LARGE1: variants seen among roughly 807,000 people sequenced by gnomAD.
LARGE1 encodes xylosyl- and glucuronyltransferase LARGE1.
In LARGE1, 43 loss-of-function variants were observed where a neutral mutation model predicts 87.6. The ratio of observed to expected loss-of-function variants is 0.49; its 90% CI spans 0.38 to 0.63. The LOEUF (loss-of-function observed/expected upper bound fraction) is 0.63, where lower values mean the gene tolerates loss of function less well. Among genes scored for constraint, LARGE1 ranks in the 30% least tolerant of loss-of-function variants. The pLI is 0.00. For missense variants in LARGE1, 802 were observed against 1,000.2 expected (o/e 0.80, Z 2.67); for synonymous variants, 434 against 394.6 (o/e 1.10, Z -1.18).
intron 6 of LARGE1, among the ~76,000 whole-genome samples, chr22:33,487,001 A>T (rs1442493547): frequency 6.6e-6 from 1 of 152,188 alleles, no homozygotes; most frequent in Non-Finnish European, 1.5e-5. Flanking sequence ...CAAATTGCGG[A>T]CACAAATATT....
At chr22:33,775,678 C>T (rs1032839679) in intron 1 of LARGE1, among the ~76,000 whole-genome samples, 3 of 152,068 alleles carry the variant, frequency 2.0e-5, no homozygotes, top group Admixed American at 6.5e-5. Context: ...ATGGTGAAAC[C>T]CCATCTCTAC....
chr22:33,305,365 A>C (rs1340051420), intron 11 of LARGE1, among the ~76,000 whole-genome samples: 2 of 151,766 alleles, frequency 1.3e-5, no homozygotes, highest in East Asian at 3.9e-4. Flanking sequence ...AATTAAAAAA[A>C]AAAAAAAAAA....
chr22:33,445,870 G>A (rs966115541), intron 6 of LARGE1, among the ~76,000 whole-genome samples: 2 of 151,778 alleles, frequency 1.3e-5, no homozygotes, highest in African/African-American at 2.4e-5. Context: ...GGCTGGTCTC[G>A]AACTCCTGGC....
At chr22:33,574,766 GA>G (rs2078304655) in intron 5 of LARGE1, among the ~76,000 whole-genome samples, 2 of 149,884 alleles carry the variant, frequency 1.3e-5, no homozygotes, top group Admixed American at 1.3e-4. Context: ...TACACTTAAT[GA>G]AAAAGCTTAG....
intron 12 of LARGE1, among the ~76,000 whole-genome samples, chr22:33,302,421 G>A (rs1391437644): frequency 1.3e-5 from 2 of 152,100 alleles, no homozygotes; most frequent in Non-Finnish European, 1.5e-5. Context: ...GACTCCTCCC[G>A]CCCCAGGGGA....
chr22:33,609,378 C>G (rs188032750), intron 4 of LARGE1, among the ~76,000 whole-genome samples: 8 of 152,316 alleles, frequency 5.3e-5, no homozygotes, highest in African/African-American at 1.9e-4. Context: ...TGAAAACAAC[C>G]TGCACAACCA....
At chr22:33,408,295 T>G (rs2066176748) in intron 7 of LARGE1, among the ~76,000 whole-genome samples, 1 of 152,162 alleles carries the variant, frequency 6.6e-6, no homozygotes, top group African/African-American at 2.4e-5. Context: ...AAGATAAACA[T>G]TTTTAAAGGA....
intron 1 of LARGE1, among the ~76,000 whole-genome samples, chr22:33,901,904 GACT>G (rs972335061): frequency 1.3e-5 from 2 of 152,164 alleles, no homozygotes; most frequent in African/African-American, 4.8e-5. Flanking sequence ...AATGTGAAAA[GACT>G]ACAATTTGAA....
chr22:33,240,524 C>T (rs941152923), intron 11 of LARGE1, among the ~76,000 whole-genome samples: 6 of 152,112 alleles, frequency 3.9e-5, no homozygotes, highest in Non-Finnish European at 7.3e-5. Context: ...TACCACATTC[C>T]GTTTATCTAT....
At position 33,604,500 on chromosome 22, in the gene LARGE1, T is replaced by C. The variant is rs960997554; in HGVS notation, c.550A>G (p.Thr184Ala). ...GGCACCATCCAGGTCTGGAAGAGCG[T>C]GGCCAGGATCTGCTCCGCAATGGAG... ...ADSIAEQILA[T>A]LFQTWMVPAV... Residue 184 changes from threonine to alanine, a missense_variant, in exon 5 of 15, where the codon ACG becomes GCG. Thr to Ala is a moderately conservative substitution (Grantham distance 58). Coordinates refer to ENST00000397394, the MANE Select transcript of LARGE1 (RefSeq NM_133642.5). 25 of 1,613,900 alleles carry C rather than the reference T, an allele frequency of 1.5e-5. No individual in the cohort carries two copies. Among genetic ancestry groups the C allele is most frequent in the Non-Finnish European group, 1.8e-5 (21 of 1,180,000 alleles).
chr22:33,902,820 T>C (rs987908528), intron 1 of LARGE1, among the ~76,000 whole-genome samples: 10 of 152,146 alleles, frequency 6.6e-5, no homozygotes, highest in African/African-American at 2.2e-4. Flanking sequence ...TGACCGTATT[T>C]AGTGACGGGG....
In LARGE1 at chr22:33,466,370, CCTCTCT is replaced by C. The variant is rs145185909; in HGVS notation, c.788-34111_788-34106del. Among the ~76,000 whole-genome samples the C allele has an allele frequency of 1.3e-3, 189 of 144,582 alleles. 2 individuals carry two copies. In the East Asian group the frequency reaches 0.032, roughly 25 times the overall value. 94.9% of individuals were successfully genotyped at this position (144,582 alleles called of 152,430 possible). A position where few individuals can be genotyped will look rare whatever the true frequency, so the allele number is the denominator to read the frequency against. Reference sequence around the variant, plus strand: ...TTTTTTTTTCTTGCTTTTTCTCTTGCCTCTCTCTCTCTCTCTCTCTCTGTCATACTT... The same window carrying C: ...TTTTTTTTTCTTGCTTTTTCTCTTGCCTCTCTCTCTCTCTCTGTCATACTT... On this transcript the variant is annotated intron_variant, in intron 6 of 14. Coordinates refer to ENST00000397394, the MANE Select transcript of LARGE1 (RefSeq NM_133642.5).
At chr22:33,867,448 T>C (rs973944212) in intron 1 of LARGE1, among the ~76,000 whole-genome samples, 1 of 152,110 alleles carries the variant, frequency 6.6e-6, no homozygotes, top group African/African-American at 2.4e-5. Flanking sequence ...GAGGGAGGTG[T>C]CCCACTGCCC....
chr22:33,908,456 G>C (rs1353417197), intron 1 of LARGE1, among the ~76,000 whole-genome samples: 2 of 151,346 alleles, frequency 1.3e-5, no homozygotes, highest in African/African-American at 4.9e-5. Flanking sequence ...GGCAGGAGGG[G>C]TATGTGCACA....
rs1476917457 is a variant in LARGE1 at position 33,199,044 on chromosome 22, T to C, written c.1731-32212A>G. Among the ~76,000 whole-genome samples the C allele has an allele frequency of 1.3e-5, 2 of 152,214 alleles. 1 individual carries two copies. Among genetic ancestry groups the C allele is most frequent in the South Asian group, 4.1e-4 (2 of 4,830 alleles). On this transcript the variant is annotated intron_variant, in intron 11 of 11. Transcript: ENST00000608642. ...TTCTGATAATAGCCATTCTGACTGG[T>C]GTGAGATGGTATCTCATTATCTCAT... is the stretch of plus-strand genomic sequence containing the variant.
intron 11 of LARGE1, among the ~76,000 whole-genome samples, chr22:33,260,920 T>G (rs1927591415): frequency 6.6e-6 from 1 of 151,972 alleles, no homozygotes; most frequent in Non-Finnish European, 1.5e-5. Flanking sequence ...CATTGAAGAG[T>G]GCTCCAAAGA....
At chr22:33,068,848 A>G in the LARGE1 span, among the ~76,000 whole-genome samples, 1 of 152,110 alleles carries the variant, frequency 6.6e-6, no homozygotes, top group African/African-American at 2.4e-5. Flanking sequence ...AAACACTTGA[A>G]GGAAAAGCTT....
chr22:33,734,676 G>A (rs1325298163), intron 2 of LARGE1, among the ~76,000 whole-genome samples: 1 of 152,084 alleles, frequency 6.6e-6, no homozygotes, highest in Admixed American at 6.6e-5. Context: ...AGGAGTTTGG[G>A]GTTCATGCTT....
intron 1 of LARGE1, among the ~76,000 whole-genome samples, chr22:33,853,479 T>A (rs1172154578): frequency 6.6e-6 from 1 of 152,208 alleles, no homozygotes; most frequent in Non-Finnish European, 1.5e-5. Flanking sequence ...TTAAGTCCCT[T>A]GTTCAACATC....
Sources: allele counts gnomAD v4.1 joint callset (sites outside exome capture counted in the v4.1 genomes callset), GRCh38; gene constraint gnomAD v4.1.1; transcripts MANE v1.5; gene names NCBI Gene and HGNC (gene_info 2026-07-23, HGNC 2026-07-21).